HPRT1: variants seen among roughly 807,000 people sequenced by gnomAD.
The protein encoded by HPRT1 is hypoxanthine-guanine phosphoribosyltransferase.
In HPRT1, 4 loss-of-function variants were observed where a neutral mutation model predicts 19.0. The ratio of observed to expected loss-of-function variants is 0.21; its 90% CI spans 0.10 to 0.48. HPRT1 has a LOEUF of 0.48. Among genes scored for constraint, HPRT1 ranks in the 20% least tolerant of loss-of-function variants. The pLI is 0.98. For synonymous variants in HPRT1, 53 were observed against 54.9 expected, an observed-to-expected ratio of 0.97 and a Z score of 0.15; for missense variants, 65 against 164.0, an observed-to-expected ratio of 0.40 and a Z score of 3.30.
chrX:134,466,366 C>T (rs2077596890), intron 1 of HPRT1, among the ~76,000 whole-genome samples: 1 of 106,410 alleles, frequency 9.4e-6, no homozygotes, highest in South Asian at 4.3e-4. Context: ...TGCAGTGAGC[C>T]CAGATTGTGC....
At chrX:134,462,565 G>T (rs1019828218) in intron 1 of HPRT1, among the ~76,000 whole-genome samples, 1 of 111,361 alleles carries the variant, frequency 9.0e-6, no homozygotes, top group African/African-American at 3.3e-5. Flanking sequence ...CGATCTGCCC[G>T]CCTCTGCTTC....
Position 134,466,800 on chromosome X carries a change from A to G in HPRT1, c.27+6462A>G, listed in dbSNP as rs145934059. 9.3e-4 allele frequency among the ~76,000 whole-genome samples: 104 copies of G among 111,964 alleles called. No homozygotes were observed. In the East Asian group the frequency reaches 0.027, roughly 29 times the overall value. On this transcript the variant is annotated intron_variant, in intron 1 of 8. Coordinates refer to ENST00000298556, the MANE Select transcript of HPRT1 (RefSeq NM_000194.3). The stretch of plus-strand genomic sequence containing the variant: ...TAGCAGAAAGGTGCTGGTCTCCTTT[A>G]CTCAGTTTACAATCTAGGCAGTAGA...
At chrX:134,477,442 C>T (rs1249772775) in intron 3 of HPRT1, among the ~76,000 whole-genome samples, 1 of 110,658 alleles carries the variant, frequency 9.0e-6, no homozygotes, top group African/African-American at 3.3e-5. Flanking sequence ...TATACAATTC[C>T]AAGCTTTTTA....
chrX:134,486,551 G>GA (rs753522885), intron 4 of HPRT1, 21 bp downstream of exon 4: 21 of 992,383 alleles, frequency 2.1e-5, no homozygotes, highest in Admixed American at 6.7e-5. Context: ...TGAAAGGGAA[G>GA]AAAAAAAAGC....
chrX:134,486,383 G>GT (rs1210662539), intron 3 of HPRT1, 82 bp from the exon 4 acceptor site: 15 of 440,401 alleles, frequency 3.4e-5, no homozygotes, highest in Non-Finnish European at 5.3e-5. Context: ...TTAATTTGAA[G>GT]TTTGTGTGTG....
chrX:134,472,267 C>T (rs1426243969), intron 1 of HPRT1, among the ~76,000 whole-genome samples: 1 of 111,249 alleles, frequency 9.0e-6, no homozygotes, highest in African/African-American at 3.3e-5. Context: ...AGCCACCACA[C>T]CATGCCAGTT....
chrX:134,469,559 A>G (rs2077605685), intron 1 of HPRT1, among the ~76,000 whole-genome samples: 1 of 111,990 alleles, frequency 8.9e-6, no homozygotes, highest in African/African-American at 3.2e-5. Context: ...TTTGAAATAA[A>G]CAAGACTTTT....
rs2077692175 is a variant in HPRT1, at chrX:134,500,294, C to T, written c.*217C>T. ...CTATAGACTATCAGTTCCCTTTGGG[C>T]GGATTGTTGTTTAACTTGTAAATGA... On this transcript the variant is annotated 3_prime_UTR_variant, in exon 9 of 9. Coordinates refer to ENST00000298556, the MANE Select transcript of HPRT1 (RefSeq NM_000194.3). 7.9e-6 allele frequency: 3 copies of T among 379,172 alleles called. No individual in the cohort carries two copies. Among genetic ancestry groups the T allele is most frequent in the East Asian group, 8.4e-5 (2 of 23,931 alleles). 31.2% of individuals were successfully genotyped at this position (379,172 alleles called of 1,213,427 possible).
At chrX:134,496,727 G>A (rs1193058177) in intron 6 of HPRT1, among the ~76,000 whole-genome samples, 1 of 111,456 alleles carries the variant, frequency 9.0e-6, no homozygotes, top group Non-Finnish European at 1.9e-5. Flanking sequence ...GCTGCACATT[G>A]GAATCACCTG....
chrX:134,490,342 G>T, intron 5 of HPRT1, 137 bp downstream of exon 5: 5 of 325,404 alleles, frequency 1.5e-5, no homozygotes, highest in Non-Finnish European at 2.2e-5. Flanking sequence ...GAGTGAGATT[G>T]GTTTTTTGTA....
chrX:134,495,924 C>T (rs766547033), intron 6 of HPRT1, among the ~76,000 whole-genome samples: 36 of 112,368 alleles, frequency 3.2e-4, no homozygotes, highest in African/African-American at 1.1e-3. Flanking sequence ...TAGGTTGGGG[C>T]ATGTATCAGT....
chrX:134,462,558 T>C (rs1316945773), intron 1 of HPRT1, among the ~76,000 whole-genome samples: 1 of 111,680 alleles, frequency 9.0e-6, no homozygotes, highest in Non-Finnish European at 1.9e-5. Context: ...GCTCAAGCGA[T>C]CTGCCCGCCT....
intron 3 of HPRT1, among the ~76,000 whole-genome samples, chrX:134,482,063 T>C (rs754657424): frequency 8.9e-6 from 1 of 111,759 alleles, no homozygotes; most frequent in Non-Finnish European, 1.9e-5. Context: ...TTTTGTTTTT[T>C]TCTTTTTTTG....
At chrX:134,475,121 G>T in intron 2 of HPRT1, 60 bp from the exon 3 acceptor site, 1 of 933,557 alleles carries the variant, frequency 1.1e-6, no homozygotes, top group Non-Finnish European at 1.5e-6. Context: ...ACTAAGAGGT[G>T]TTTGTTATAA....
intron 4 of HPRT1, among the ~76,000 whole-genome samples, chrX:134,489,248 A>G (rs1200704086): frequency 1.8e-5 from 2 of 111,883 alleles, no homozygotes; most frequent in Non-Finnish European, 3.8e-5. Flanking sequence ...TGCATTTTAA[A>G]TTATATATGA....
chrX:134,466,244 A>G (rs1409923704), intron 1 of HPRT1, among the ~76,000 whole-genome samples: 2 of 109,336 alleles, frequency 1.8e-5, no homozygotes, highest in Admixed American at 9.9e-5. Flanking sequence ...GTAGTGAAAC[A>G]CCATCTCTAC....
chrX:134,460,596 A>G (rs1214065211), intron 1 of HPRT1: 6 of 213,306 alleles, frequency 2.8e-5, no homozygotes, highest in Non-Finnish European at 8.5e-6. Flanking sequence ...GAGAAGGTGG[A>G]AATGGCGTTT....
At chrX:134,494,801 C>G (rs1240543167) in intron 6 of HPRT1, among the ~76,000 whole-genome samples, 1 of 111,646 alleles carries the variant, frequency 9.0e-6, no homozygotes, top group Non-Finnish European at 1.9e-5. Context: ...CTGGTATATG[C>G]TGTGGAATTG....
intron 6 of HPRT1, among the ~76,000 whole-genome samples, chrX:134,496,067 T>C (rs959969041): frequency 2.7e-5 from 3 of 112,547 alleles, no homozygotes; most frequent in African/African-American, 9.7e-5. Flanking sequence ...AATGTTTGTG[T>C]ACAAGTATGA....
Sources: gnomAD v4.1 joint callset for allele counts (sites outside exome capture counted in the v4.1 genomes callset) on GRCh38, gnomAD v4.1.1 for gene constraint, MANE v1.5 for transcripts, NCBI Gene and HGNC (gene_info 2026-07-23, HGNC 2026-07-21) for gene names.